Variants in GALNT1 observed in about 807,000 individuals in gnomAD.
The protein encoded by GALNT1 is GalNAc transferase 1.
GALNT1 carries 17 observed loss-of-function variants against 65.7 expected under a neutral mutation model. The observed-to-expected ratio is 0.26, with a 90% CI of 0.18 to 0.39. GALNT1 has a LOEUF of 0.39. GALNT1 is among the 10% of genes least tolerant of loss of function. The pLI is 1.00. For synonymous variants in GALNT1, 210 were observed against 219.7 expected (o/e 0.96, Z 0.39); for missense variants, 460 against 672.8 (o/e 0.68, Z 3.50).
chr18:35,691,692 C>A (rs992820015), intron 8 of GALNT1, among the ~76,000 whole-genome samples: 1 of 152,166 alleles, frequency 6.6e-6, no homozygotes, highest in African/African-American at 2.4e-5. Flanking sequence ...ACAGGGCCTT[C>A]TTTCCGGAAA....
chr18:35,694,514 T>C (rs1237224169), intron 9 of GALNT1, among the ~76,000 whole-genome samples: 1 of 152,222 alleles, frequency 6.6e-6, no homozygotes, highest in African/African-American at 2.4e-5. Flanking sequence ...AAAAATAGTA[T>C]GGAGGTTTCT....
intron 1 of GALNT1, among the ~76,000 whole-genome samples, chr18:35,644,098 A>C (rs1186946265): frequency 2.0e-5 from 3 of 152,210 alleles, no homozygotes; most frequent in Non-Finnish European, 4.4e-5. Context: ...GTTTATTTAC[A>C]TCATGACTAC....
intron 1 of GALNT1, among the ~76,000 whole-genome samples, chr18:35,638,306 G>A (rs954622684): frequency 5.3e-5 from 8 of 152,256 alleles, no homozygotes; most frequent in South Asian, 2.1e-4. Context: ...TAGGAGACTC[G>A]GCTGCTCATG....
intron 11 of GALNT1, among the ~76,000 whole-genome samples, chr18:35,704,810 A>C (rs1363863736): frequency 6.6e-6 from 1 of 151,266 alleles, no homozygotes; most frequent in African/African-American, 2.4e-5. Flanking sequence ...TGCCCGGCTA[A>C]TTTTTGTACT....
chr18:35,605,380 C>A (rs570257663), intron 1 of GALNT1, among the ~76,000 whole-genome samples: 33 of 151,786 alleles, frequency 2.2e-4, no homozygotes, highest in Non-Finnish European at 2.9e-4. Context: ...CATCTGAAAT[C>A]TCAGCTATTC....
chr18:35,693,888 G>A (rs944734378), intron 9 of GALNT1, among the ~76,000 whole-genome samples: 3 of 152,272 alleles, frequency 2.0e-5, no homozygotes, highest in Non-Finnish European at 4.4e-5. Context: ...CGAGGACAAT[G>A]CCAGAGGGAA....
chr18:35,701,822 C>T (rs976080765), intron 9 of GALNT1, among the ~76,000 whole-genome samples: 6 of 152,110 alleles, frequency 3.9e-5, no homozygotes, highest in African/African-American at 1.4e-4. Flanking sequence ...CTGTTTTGAA[C>T]GAACCGAGTT....
intron 2 of GALNT1, among the ~76,000 whole-genome samples, chr18:35,662,911 T>C (rs1302208734): frequency 6.6e-6 from 1 of 152,198 alleles, no homozygotes; most frequent in Admixed American, 6.5e-5. Flanking sequence ...ACATTACTTT[T>C]GATGAGAATT....
chr18:35,595,037 G>A (rs1410021821), intron 1 of GALNT1, among the ~76,000 whole-genome samples: 1 of 152,130 alleles, frequency 6.6e-6, no homozygotes, highest in Non-Finnish European at 1.5e-5. Context: ...GCTAGATGGT[G>A]CCTTAAAGAT....
intron 3 of GALNT1, among the ~76,000 whole-genome samples, chr18:35,673,588 C>T (rs944191604): frequency 2.0e-5 from 3 of 152,064 alleles, no homozygotes; most frequent in African/African-American, 7.3e-5. Flanking sequence ...AGGCCAGTGC[C>T]CTGGGATAGG....
At chr18:35,694,519 G>T (rs938159514) in intron 9 of GALNT1, among the ~76,000 whole-genome samples, 1 of 152,180 alleles carries the variant, frequency 6.6e-6, no homozygotes, top group Non-Finnish European at 1.5e-5. Flanking sequence ...TAGTATGGAG[G>T]TTTCTCAAAA....
chr18:35,682,680 G>GA (rs1243817115), intron 4 of GALNT1, among the ~76,000 whole-genome samples: 3 of 151,992 alleles, frequency 2.0e-5, no homozygotes, highest in Admixed American at 6.6e-5. Flanking sequence ...GTGTCCTGAG[G>GA]AGCATAACCT....
intron 1 of GALNT1, among the ~76,000 whole-genome samples, chr18:35,588,518 C>G (rs1048111799): frequency 6.6e-6 from 1 of 152,040 alleles, no homozygotes; most frequent in Non-Finnish European, 1.5e-5. Flanking sequence ...TTTTTGAGTA[C>G]TTTTTCAGCC....
At chr18:35,676,705 G>C (rs2047715615) in intron 3 of GALNT1, among the ~76,000 whole-genome samples, 2 of 152,298 alleles carry the variant, frequency 1.3e-5, no homozygotes, top group South Asian at 4.1e-4. Context: ...GGATACCTGG[G>C]AGATAATTAT....
At chr18:35,645,034 A>G (rs695125) in intron 1 of GALNT1, among the ~76,000 whole-genome samples, 3 of 151,966 alleles carry the variant, frequency 2.0e-5, no homozygotes, top group Non-Finnish European at 4.4e-5. Context: ...AAATAAATCC[A>G]TTCCCCAAAG....
intron 11 of GALNT1, among the ~76,000 whole-genome samples, chr18:35,709,163 G>A: frequency 6.6e-6 from 1 of 152,166 alleles, no homozygotes; most frequent in East Asian, 1.9e-4. Flanking sequence ...GAATTAACTT[G>A]AACAGCCTTA....
intron 1 of GALNT1, among the ~76,000 whole-genome samples, chr18:35,644,504 A>C (rs1203045272): frequency 1.3e-5 from 2 of 152,164 alleles, no homozygotes; most frequent in African/African-American, 4.8e-5. Flanking sequence ...TGGTTTTGAC[A>C]ATTTTGGCTT....
In GALNT1 at chr18:35,608,206, G is replaced by A. The variant is rs79516886; in HGVS notation, c.-104+26344G>A. On this transcript the variant is annotated intron_variant, in intron 1 of 11. Coordinates refer to ENST00000269195, the MANE Select transcript of GALNT1 (RefSeq NM_020474.4). ...TAAGTTTATTCCTAAAATTTTGTGG[G>A]TTTTCTGCTATTATAAAAGGATGTT... is the stretch of plus-strand genomic sequence containing the variant. Among the ~76,000 whole-genome samples, 3,844 of 151,752 alleles carry A rather than the reference G, an allele frequency of 0.025. 427 individuals are homozygous for A. The East Asian group carries it at 0.36, about 14-fold the overall frequency.
At chr18:35,669,402 A>C (rs955925483) in intron 3 of GALNT1, among the ~76,000 whole-genome samples, 1 of 152,264 alleles carries the variant, frequency 6.6e-6, no homozygotes. Flanking sequence ...TTATTACAAC[A>C]AAGAAATATT....
Sources: gnomAD v4.1 joint callset for allele counts (sites outside exome capture counted in the v4.1 genomes callset) on GRCh38, gnomAD v4.1.1 for gene constraint, MANE v1.5 for transcripts, NCBI Gene and HGNC (gene_info 2026-07-23, HGNC 2026-07-21) for gene names.